Variants in RTL4 observed in about 807,000 individuals in gnomAD.
RTL4 encodes retrotransposon Gag like 4.
A neutral mutation model predicts 5.3 loss-of-function variants in RTL4; 4 were observed. That is an observed-to-expected ratio of 0.75 (90% confidence interval 0.37 to 1.72). The LOEUF (loss-of-function observed/expected upper bound fraction) is 1.72, where lower values mean the gene tolerates loss of function less well. Among genes scored for constraint, RTL4 ranks in the 40% most tolerant of loss-of-function variants. The pLI is 0.04. For synonymous variants in RTL4, 98 were observed against 87.3 expected, an observed-to-expected ratio of 1.12 and a Z score of -0.68; for missense variants, 260 against 227.1, an observed-to-expected ratio of 1.14 and a Z score of -0.93.
At chrX:112,109,726 A>T in the RTL4 span, among the ~76,000 whole-genome samples, 1 of 111,649 alleles carries the variant, frequency 9.0e-6, no homozygotes, top group African/African-American at 3.3e-5. Context: ...CACCCAACCC[A>T]GAAGTCCAGC....
the RTL4 span, among the ~76,000 whole-genome samples, chrX:112,122,075 A>G: frequency 9.0e-6 from 1 of 111,641 alleles, no homozygotes; most frequent in African/African-American, 3.3e-5. Flanking sequence ...CTCCACTTCT[A>G]TCCAATAGTT....
the RTL4 span, among the ~76,000 whole-genome samples, chrX:112,221,090 A>C: frequency 8.9e-6 from 1 of 112,381 alleles, no homozygotes; most frequent in African/African-American, 3.2e-5. Flanking sequence ...TACAGAAAAG[A>C]GGTTTAATTG....
the RTL4 span, among the ~76,000 whole-genome samples, chrX:112,219,594 A>G: frequency 9.4e-4 from 106 of 112,396 alleles, no homozygotes; most frequent in African/African-American, 3.3e-3. Context: ...AAAAGCTGTC[A>G]TTCAAAAACA....
chrX:112,305,851 T>A, the RTL4 span, among the ~76,000 whole-genome samples: 1 of 111,742 alleles, frequency 8.9e-6, no homozygotes, highest in Non-Finnish European at 1.9e-5. Context: ...TGCACTAGAA[T>A]TAGGTGGTTT....
the RTL4 span, among the ~76,000 whole-genome samples, chrX:112,339,130 C>T: frequency 1.8e-5 from 2 of 111,089 alleles, no homozygotes; most frequent in Admixed American, 1.9e-4. Context: ...GACTCCATAC[C>T]GTAAGTAACA....
At chrX:112,390,161 T>TATATATATATA in the RTL4 span, among the ~76,000 whole-genome samples, 1 of 39,972 alleles carries the variant, frequency 2.5e-5, no homozygotes, top group Non-Finnish European at 4.4e-5. Context: ...ATATATATAT[T>TATATATATATA]TAGGATCGTG....
the RTL4 span, among the ~76,000 whole-genome samples, chrX:112,444,791 G>T: frequency 4.5e-5 from 5 of 111,391 alleles, no homozygotes; most frequent in African/African-American, 1.6e-4. Flanking sequence ...CCAATTTATT[G>T]ACAGATAGTT....
At chrX:112,323,221 C>G in the RTL4 span, among the ~76,000 whole-genome samples, 2 of 111,698 alleles carry the variant, frequency 1.8e-5, no homozygotes, top group African/African-American at 6.5e-5. Flanking sequence ...CTCATTTTAA[C>G]TTTAATTTGC....
chrX:112,381,437 G>C, the RTL4 span: 1 of 1,206,659 alleles, frequency 8.3e-7, no homozygotes, highest in South Asian at 1.8e-5. Context: ...AACCCAGCGG[G>C]AACAGCTACT....
At chrX:112,444,274 G>A in the RTL4 span, among the ~76,000 whole-genome samples, 1 of 111,272 alleles carries the variant, frequency 9.0e-6, no homozygotes, top group African/African-American at 3.3e-5. Context: ...TTTGTTTCTG[G>A]TTTCTCTATT....
chrX:112,382,389 AT>A, the RTL4 span, among the ~76,000 whole-genome samples: 2 of 111,423 alleles, frequency 1.8e-5, no homozygotes, highest in East Asian at 5.7e-4. Flanking sequence ...CCTACTAGAT[AT>A]TTGGTAACCA....
chrX:112,256,916 C>A, the RTL4 span, among the ~76,000 whole-genome samples: 4 of 111,711 alleles, frequency 3.6e-5, no homozygotes, highest in Non-Finnish European at 7.5e-5. Flanking sequence ...CTTGAGTATT[C>A]TCTGTAGACA....
the RTL4 span, among the ~76,000 whole-genome samples, chrX:112,322,746 C>T: frequency 9.0e-6 from 1 of 111,527 alleles, no homozygotes; most frequent in Non-Finnish European, 1.9e-5. Context: ...TACATGTACA[C>T]ACATATATAG....
chrX:112,240,243 C>A, the RTL4 span, among the ~76,000 whole-genome samples: 1 of 111,174 alleles, frequency 9.0e-6, no homozygotes, highest in African/African-American at 3.3e-5. Context: ...AACTCAGAGA[C>A]AGATGAATAG....
the RTL4 span, among the ~76,000 whole-genome samples, chrX:112,425,327 G>A: frequency 1.3e-4 from 14 of 111,328 alleles, no homozygotes; most frequent in East Asian, 2.3e-3. Flanking sequence ...TAATTGAGTC[G>A]CTTTTATTAA....
chrX:112,198,902 G>A, the RTL4 span, among the ~76,000 whole-genome samples: 2 of 110,919 alleles, frequency 1.8e-5, no homozygotes, highest in Admixed American at 9.7e-5. Flanking sequence ...TCTTTGTGCC[G>A]CAACTTGAAG....
chrX:112,171,580 A>G, the RTL4 span, among the ~76,000 whole-genome samples: 1 of 111,369 alleles, frequency 9.0e-6, no homozygotes, highest in African/African-American at 3.3e-5. Flanking sequence ...TTGTTTGTAT[A>G]TCTGTGGGGT....
the RTL4 span, among the ~76,000 whole-genome samples, chrX:112,125,636 A>G: frequency 1.2e-4 from 13 of 112,001 alleles, no homozygotes; most frequent in East Asian, 3.7e-3. Context: ...CTGCCCGCCC[A>G]TGGAGGTGGT....
At chrX:112,128,526 G>T in the RTL4 span, among the ~76,000 whole-genome samples, 1 of 109,360 alleles carries the variant, frequency 9.1e-6, no homozygotes, top group Non-Finnish European at 1.9e-5. Flanking sequence ...AGGCGCAGTG[G>T]CACGCGCCTG....
Sources: gnomAD v4.1 joint callset for allele counts (sites outside exome capture counted in the v4.1 genomes callset) on GRCh38, gnomAD v4.1.1 for gene constraint, MANE v1.5 for transcripts, NCBI Gene and HGNC (gene_info 2026-07-23, HGNC 2026-07-21) for gene names.